The following LYAR variants were observed in gnomAD, a reference collection of about 807,000 sequenced individuals.
The protein encoded by LYAR is cell growth-regulating nucleolar protein.
In LYAR, 37 loss-of-function variants were observed where a neutral mutation model predicts 45.2. That is an observed-to-expected ratio of 0.82 (90% CI 0.63 to 1.08). The LOEUF is 1.08. Among genes scored for constraint, LYAR ranks in the 50% least tolerant of loss-of-function variants. The pLI, the probability that LYAR is intolerant of heterozygous loss-of-function variation, is 0.00. For missense variants in LYAR, 493 were observed against 451.0 expected, an observed-to-expected ratio of 1.09 and a Z score of -0.84; for synonymous variants, 176 against 155.1, an observed-to-expected ratio of 1.14 and a Z score of -1.00.
chr4:4,281,893 C>G lies in LYAR; in HGVS notation c.127G>C (p.Asp43His), dbSNP rs532794150. 9.3e-6 allele frequency: 15 copies of G among 1,611,276 alleles called. No individual in the cohort carries two copies. In the African/African-American group the frequency reaches 1.7e-4, roughly 19 times the overall value. ...CIDCGKDFWG[D>H]DYKNHVKCIS... ...CATTTCACGTGGTTTTTATAGTCATCGCCCCTTTAAAGTGATCAAAAGTTC... is the reference window on the plus strand; with the variant it reads ...CATTTCACGTGGTTTTTATAGTCATGGCCCCTTTAAAGTGATCAAAAGTTC... The change falls in exon 4 of 10, where the codon GAT (aspartate) becomes CAT (histidine). Residue 43 changes from aspartate (D) to histidine (H), a missense_variant. Transcript: ENST00000343470.
intron 8 of LYAR, among the ~76,000 whole-genome samples, chr4:4,272,203 A>G (rs1718965287): frequency 6.6e-6 from 1 of 152,214 alleles, no homozygotes; most frequent in South Asian, 2.1e-4. Flanking sequence ...AGTTGTGTAA[A>G]GTGTTATCCT....
intron 6 of LYAR, among the ~76,000 whole-genome samples, chr4:4,277,380 C>A (rs1288111525): frequency 2.0e-5 from 3 of 152,130 alleles, no homozygotes; most frequent in African/African-American, 7.2e-5. Flanking sequence ...GAGCCTGAGA[C>A]CCTGGCATCC....
At chr4:4,288,651 A>C (rs1719721755) in intron 1 of LYAR, among the ~76,000 whole-genome samples, 1 of 151,944 alleles carries the variant, frequency 6.6e-6, no homozygotes, top group South Asian at 2.1e-4. Context: ...ATGCCCGGCT[A>C]ATTTTTGTAT....
intron 9 of LYAR, 126 bp from the exon 10 acceptor site, chr4:4,268,149 C>T (rs897648446): frequency 1.4e-4 from 118 of 870,334 alleles, no homozygotes; most frequent in Non-Finnish European, 1.7e-4. Flanking sequence ...GCGACACCGG[C>T]GTGCTCTCCT....
intron 4 of LYAR, among the ~76,000 whole-genome samples, chr4:4,281,063 A>G (rs1719372423): frequency 6.6e-6 from 1 of 152,236 alleles, no homozygotes; most frequent in Admixed American, 6.5e-5. Flanking sequence ...AGTTAAGTAG[A>G]AAATTCTCTG....
At chr4:4,276,359 T>C (rs1719177875) in intron 6 of LYAR, among the ~76,000 whole-genome samples, 1 of 152,138 alleles carries the variant, frequency 6.6e-6, no homozygotes, top group South Asian at 2.1e-4. Context: ...AAGCTTTCAC[T>C]AGAGTGCAAG....
rs559618803 is a variant in LYAR at position 4,273,698 on chromosome 4, G to T, written c.833-29C>A. 43 of 1,467,502 alleles carry T rather than the reference G, an allele frequency of 2.9e-5. No homozygotes were observed. In the South Asian group the frequency reaches 4.8e-4, roughly 16 times the overall value. 90.9% of individuals were successfully genotyped at this position (1,467,502 alleles called of 1,614,324 possible). ...AGTATTTGGAAAGATTTTTTTTAAAGAAGATTTTGCATTTACGCTAGCAGC... is the reference window on the plus strand; with the variant it reads ...AGTATTTGGAAAGATTTTTTTTAAATAAGATTTTGCATTTACGCTAGCAGC... On this transcript the variant is annotated intron_variant, in intron 7 of 9. Transcript: ENST00000343470.
At position 4,274,483 on chromosome 4, in the gene LYAR, G is replaced by A. The variant is rs558808091; in HGVS notation, c.716C>T (p.Pro239Leu). ...ADLEAGGEEV[P>L]EANGSAGKRS... ...CTTCCCTGCAGAGCCATTGGCCTCA[G>A]GGACTTCCTCCCCACCAGCCTCAAG... is the stretch of plus-strand genomic sequence containing the variant. Residue 239 changes from proline to leucine, a missense_variant, in exon 7 of 10, where the codon CCT (proline) becomes CTT (leucine). By Grantham distance (98) the Pro-to-Leu change is moderately conservative. Coordinates refer to ENST00000343470, the MANE Select transcript of LYAR (RefSeq NM_017816.3). The A allele has an allele frequency of 2.8e-4, 456 of 1,614,102 alleles. 2 individuals carry two copies. In the South Asian group the frequency reaches 4.6e-3, roughly 16 times the overall value.
intron 8 of LYAR, among the ~76,000 whole-genome samples, chr4:4,272,442 T>G (rs1316851950): frequency 6.6e-6 from 1 of 152,226 alleles, no homozygotes; most frequent in Non-Finnish European, 1.5e-5. Context: ...TGTCTTTCCC[T>G]AAATATTCAT....
At chr4:4,275,288 GT>G (rs1719133854) in intron 6 of LYAR, among the ~76,000 whole-genome samples, 1 of 152,176 alleles carries the variant, frequency 6.6e-6, no homozygotes, top group Non-Finnish European at 1.5e-5. Context: ...GATCCGTCAT[GT>G]GCTTATTAGC....
intron 3 of LYAR, 76 bp downstream of exon 3, chr4:4,283,545 C>G (rs1719486854): frequency 2.0e-6 from 3 of 1,486,508 alleles, no homozygotes; most frequent in African/African-American, 2.8e-5. Context: ...CACTATTTTT[C>G]CAAGCTTTGT....
intron 3 of LYAR, 66 bp downstream of exon 3, chr4:4,283,555 T>C (rs530541809): frequency 6.5e-6 from 10 of 1,529,018 alleles, no homozygotes; most frequent in African/African-American, 2.8e-5. Context: ...CCAAGCTTTG[T>C]GGCGCCAAGG....
rs941907890 is a variant in LYAR, at chr4:4,276,001, T to G, written c.430-1232A>C. On this transcript the variant is annotated intron_variant, in intron 6 of 9. Transcript: ENST00000343470. The stretch of plus-strand genomic sequence containing the variant: ...GTGTGCCACAGCGCCAGGCCTTGCA[T>G]TACCTTATTAAAATCAGCACATAGA... 3.9e-5 allele frequency among the ~76,000 whole-genome samples: 6 copies of G among 152,186 alleles called. No homozygotes were observed. In the East Asian group the frequency reaches 9.7e-4, roughly 24 times the overall value.
At chr4:4,281,220 T>C (rs539197799) in intron 4 of LYAR, among the ~76,000 whole-genome samples, 1 of 152,304 alleles carries the variant, frequency 6.6e-6, no homozygotes, top group South Asian at 2.1e-4. Flanking sequence ...AAGGGAAAGC[T>C]AATGAGAATT....
intron 6 of LYAR, among the ~76,000 whole-genome samples, chr4:4,279,214 T>C (rs560418411): frequency 6.6e-6 from 1 of 151,010 alleles, no homozygotes; most frequent in East Asian, 1.9e-4. Context: ...GTGCCTACAG[T>C]CCCAGCTACT....
chr4:4,270,308 A>G (rs909991541), intron 8 of LYAR, among the ~76,000 whole-genome samples: 1 of 148,148 alleles, frequency 6.8e-6, no homozygotes, highest in African/African-American at 2.5e-5. Context: ...AAGATAATTT[A>G]GAAAACAAAA....
At chr4:4,281,209 C>A (rs1227714920) in intron 4 of LYAR, among the ~76,000 whole-genome samples, 1 of 151,876 alleles carries the variant, frequency 6.6e-6, no homozygotes, top group Non-Finnish European at 1.5e-5. Context: ...GTTTTACAGC[C>A]AAGGGAAAGC....
rs142928050 is a variant in LYAR, at chr4:4,281,834, G to A, written c.186C>T (p.Gly62=). 6.2e-4 allele frequency: 999 copies of A among 1,614,124 alleles called. 4 individuals are homozygous for A. The East Asian group carries it at 0.011, about 18-fold the overall frequency. ...CGCCTTTGTGGGTTTTACCTTCATA[G>A]CCTTTGCCACCATACTTCTGATCTT... ...ISEDQKYGGK[G]YEGKTHKGDI... Residue 62 remains glycine, a synonymous_variant, in exon 4 of 10, where the codon GGC becomes GGT. Transcript: ENST00000343470.
rs983725947 is a variant in LYAR at position 4,285,931 on chromosome 4, A to T, written c.-54+588T>A. ...ATACTCAAGAGTAACTGTGCCAAAC[A>T]TTCTATCTCTCTGGAGATCGGCTAC... On this transcript the variant is annotated intron_variant, in intron 2 of 9. Coordinates refer to ENST00000343470, the MANE Select transcript of LYAR (RefSeq NM_017816.3). Among the ~76,000 whole-genome samples the T allele has an allele frequency of 3.9e-5, 6 of 152,246 alleles. No individual in the cohort carries two copies. The East Asian group carries it at 1.2e-3, about 29-fold the overall frequency.
Sources: gnomAD v4.1 joint callset for allele counts (sites outside exome capture counted in the v4.1 genomes callset) on GRCh38, gnomAD v4.1.1 for gene constraint, MANE v1.5 for transcripts, NCBI Gene and HGNC (gene_info 2026-07-23, HGNC 2026-07-21) for gene names.